KCNH1: variants seen among roughly 807,000 people sequenced by gnomAD.
KCNH1 encodes the protein potassium voltage-gated channel subfamily H member 1.
Under a neutral mutation model 69.2 loss-of-function variants are expected in KCNH1, and 27 were observed. The observed-to-expected ratio is 0.39, with a 90% CI of 0.29 to 0.54. The LOEUF is 0.54. Ranked by LOEUF, KCNH1 falls within the 20% of genes least tolerant of loss-of-function variation. The probability of loss-of-function intolerance (pLI) is 0.68; values close to 1 mark genes in which losing one functional copy is unlikely to be tolerated. For synonymous variants in KCNH1, 456 were observed against 487.7 expected, an observed-to-expected ratio of 0.93 and a Z score of 0.86; for missense variants, 798 against 1,261.6, an observed-to-expected ratio of 0.63 and a Z score of 5.57.
intron 7 of KCNH1, among the ~76,000 whole-genome samples, chr1:210,818,707 C>T (rs936602827): frequency 6.6e-6 from 1 of 152,116 alleles, no homozygotes; most frequent in Non-Finnish European, 1.5e-5. Flanking sequence ...CTTCCCAGAA[C>T]CAACACATAA....
intron 1 of KCNH1, among the ~76,000 whole-genome samples, chr1:211,130,679 T>C (rs1640108876): frequency 6.6e-6 from 1 of 152,202 alleles, no homozygotes; most frequent in Non-Finnish European, 1.5e-5. Context: ...AGGTGAGTTT[T>C]AGTTTAAGGA....
intron 7 of KCNH1, among the ~76,000 whole-genome samples, chr1:210,847,694 A>G (rs868248538): frequency 6.6e-6 from 1 of 152,102 alleles, no homozygotes; most frequent in South Asian, 2.1e-4. Context: ...ACAAAGCTGC[A>G]CGTTGTGCAC....
intron 7 of KCNH1, among the ~76,000 whole-genome samples, chr1:210,855,721 T>A (rs1162594512): frequency 2.0e-5 from 3 of 152,026 alleles, no homozygotes; most frequent in Non-Finnish European, 4.4e-5. Flanking sequence ...TATAGCAGAG[T>A]GTCACGACTC....
intron 6 of KCNH1, among the ~76,000 whole-genome samples, chr1:211,012,019 T>A (rs1020589476): frequency 7.9e-5 from 12 of 152,192 alleles, no homozygotes; most frequent in Admixed American, 6.5e-5. Context: ...AGAAATGCAC[T>A]CATCCGCAGC....
chr1:210,697,496 T>G (rs958043285), intron 10 of KCNH1, among the ~76,000 whole-genome samples: 1 of 152,252 alleles, frequency 6.6e-6, no homozygotes, highest in African/African-American at 2.4e-5. Context: ...AAGATGCTCT[T>G]GCCAAATGGA....
At chr1:210,862,006 T>C (rs1327098574) in intron 7 of KCNH1, 10 of 770,160 alleles carry the variant, frequency 1.3e-5, no homozygotes, top group African/African-American at 5.1e-5. Flanking sequence ...TTCTACAATA[T>C]TTTCTCAAAT....
chr1:210,727,649 C>T (rs2149029656), intron 10 of KCNH1, among the ~76,000 whole-genome samples: 1 of 152,118 alleles, frequency 6.6e-6, no homozygotes, highest in South Asian at 2.1e-4. Flanking sequence ...TTCTCTCAAA[C>T]AAAACAAGCT....
At chr1:211,111,269 T>G (rs894200596) in intron 1 of KCNH1, among the ~76,000 whole-genome samples, 2 of 152,144 alleles carry the variant, frequency 1.3e-5, no homozygotes, top group Admixed American at 6.5e-5. Flanking sequence ...CAGCCCCATC[T>G]AAGAAAAACC....
At chr1:210,977,710 C>T (rs1688640420) in intron 6 of KCNH1, among the ~76,000 whole-genome samples, 1 of 152,120 alleles carries the variant, frequency 6.6e-6, no homozygotes, top group Non-Finnish European at 1.5e-5. Context: ...CAATGTTTTA[C>T]ATAGTTAAGG....
chr1:210,819,761 C>A (rs1475669673), intron 7 of KCNH1, among the ~76,000 whole-genome samples: 1 of 152,178 alleles, frequency 6.6e-6, no homozygotes, highest in African/African-American at 2.4e-5. Flanking sequence ...TTTCCATTCA[C>A]CACAGCACCA....
At chr1:210,730,667 G>A (rs182536972) in intron 10 of KCNH1, among the ~76,000 whole-genome samples, 5 of 152,260 alleles carry the variant, frequency 3.3e-5, no homozygotes, top group Non-Finnish European at 7.4e-5. Context: ...TGAGCGCACG[G>A]GAGGTCAGAT....
intron 1 of KCNH1, among the ~76,000 whole-genome samples, chr1:211,111,786 T>C (rs1305840073): frequency 1.4e-4 from 12 of 83,696 alleles, no homozygotes; most frequent in East Asian, 1.2e-3. Context: ...AAGTGAGGAG[T>C]GCCTCTGCCT....
rs1248051416 is a variant in KCNH1 at position 210,938,583 on chromosome 1, ACTT to A, written c.1033-18517_1033-18515del. On this transcript the variant is annotated intron_variant, in intron 6 of 10. Transcript: ENST00000271751. ...TTGATCCTTGGCAGCCTCATCTCTCACTTCTTCTCTCCCAGGAATCTCTCTTTA... is the reference window on the plus strand; with the variant it reads ...TTGATCCTTGGCAGCCTCATCTCTCACTTCTCTCCCAGGAATCTCTCTTTA... 6.6e-5 allele frequency among the ~76,000 whole-genome samples: 10 copies of A among 152,184 alleles called. No homozygotes were observed. In the East Asian group the frequency reaches 1.9e-3, roughly 29 times the overall value.
chr1:210,741,517 G>A (rs1683030621), intron 10 of KCNH1, among the ~76,000 whole-genome samples: 2 of 152,154 alleles, frequency 1.3e-5, no homozygotes, highest in African/African-American at 4.8e-5. Flanking sequence ...AAGCAGACGT[G>A]AAAACTGAAG....
At chr1:210,797,408 T>C in intron 9 of KCNH1, 100 bp downstream of exon 9, 2 of 1,351,852 alleles carry the variant, frequency 1.5e-6, no homozygotes, top group Non-Finnish European at 2.1e-6. Flanking sequence ...GGCCCTGCCC[T>C]ATGAAGCAAT....
At chr1:210,830,126 T>G (rs1252161454) in intron 7 of KCNH1, among the ~76,000 whole-genome samples, 1 of 152,202 alleles carries the variant, frequency 6.6e-6, no homozygotes, top group East Asian at 1.9e-4. Context: ...CTCACAGAAC[T>G]ATCCTTAAGT....
intron 7 of KCNH1, among the ~76,000 whole-genome samples, chr1:210,845,611 C>T (rs1156778010): frequency 6.6e-6 from 1 of 152,184 alleles, no homozygotes; most frequent in Non-Finnish European, 1.5e-5. Flanking sequence ...GACAAACCCA[C>T]AGCCAATATC....
At chr1:210,853,540 C>T (rs183271030) in intron 7 of KCNH1, among the ~76,000 whole-genome samples, 245 of 152,290 alleles carry the variant, frequency 1.6e-3, no homozygotes, top group African/African-American at 5.6e-3. Context: ...ACCCAGGGCT[C>T]CTGGTGGGCA....
rs1685977250 is a variant in KCNH1 at position 210,861,493 on chromosome 1, C to T, written c.1463-57327G>A. The T allele has an allele frequency of 3.9e-6, 3 of 774,482 alleles. No individual in the cohort carries two copies. The South Asian group carries it at 4.0e-5, about 10-fold the overall frequency. The allele number at this position is 774,482 out of a possible 1,614,324, so 48.0% of individuals were successfully genotyped here. A position where few individuals can be genotyped will look rare whatever the true frequency, so the allele number is the denominator to read the frequency against. ...GTCTTGCTAAAATATGTAAGGCCCA[C>T]TTCTTGCATTTCCATTATGATAACT... On this transcript the variant is annotated intron_variant, in intron 7 of 10. Transcript: ENST00000271751.
Sources: allele counts gnomAD v4.1 joint callset (sites outside exome capture counted in the v4.1 genomes callset), GRCh38; gene constraint gnomAD v4.1.1; transcripts MANE v1.5; gene names NCBI Gene and HGNC (gene_info 2026-07-23, HGNC 2026-07-21).